The following MAPK10 variants were observed in gnomAD, a reference collection of about 807,000 sequenced individuals.
The protein encoded by MAPK10 is mitogen-activated protein kinase 10, also known as JNK3 alpha protein kinase.
Under a neutral mutation model 59.3 loss-of-function variants are expected in MAPK10, and 25 were observed. The ratio of observed to expected loss-of-function variants is 0.42; its 90% CI spans 0.31 to 0.59. The LOEUF (loss-of-function observed/expected upper bound fraction) is 0.59, where lower values mean the gene tolerates loss of function less well. MAPK10 is among the 20% of genes least tolerant of loss of function. The pLI is 0.15. For synonymous variants in MAPK10, 190 were observed against 200.5 expected (o/e 0.95, Z 0.44); for missense variants, 351 against 568.9 (o/e 0.62, Z 3.90).
At chr4:86,471,275 CA>C (rs60423060) in intron 1 of MAPK10, among the ~76,000 whole-genome samples, 32,499 of 96,668 alleles carry the variant, frequency 0.34, 3,582 homozygotes, top group Admixed American at 0.4. Context: ...TGCCCCCCTG[CA>C]AAAAAAAAAA....
chr4:86,201,406 G>T (rs1343281401), intron 2 of MAPK10, among the ~76,000 whole-genome samples: 1 of 151,840 alleles, frequency 6.6e-6, no homozygotes, highest in Non-Finnish European at 1.5e-5. Context: ...ATTTTAGGGA[G>T]TGTTTAAAAA....
At chr4:86,052,479 G>T (rs546456265) in intron 11 of MAPK10, among the ~76,000 whole-genome samples, 50 of 152,162 alleles carry the variant, frequency 3.3e-4, no homozygotes, top group African/African-American at 1.2e-3. Context: ...ATTATTGATA[G>T]AAAATTTTGG....
intron 4 of MAPK10, among the ~76,000 whole-genome samples, chr4:86,133,747 A>C (rs1453950266): frequency 2.0e-5 from 3 of 152,224 alleles, no homozygotes; most frequent in Non-Finnish European, 2.9e-5. Context: ...AACTGAGATT[A>C]AGTCAGTCCT....
rs2094377903 is a variant in MAPK10, at chr4:86,269,886, A to G, written c.-6-75479T>C. ...AACAGTAATAAAGATACTTAGTAAA[A>G]AAGTTTTGATTAAAAGACATTTGTG... On this transcript the variant is annotated intron_variant, in intron 2 of 13. Coordinates refer to ENST00000641462, the MANE Select transcript of MAPK10 (RefSeq NM_138982.4). Among the ~76,000 whole-genome samples, 3 of 152,256 alleles carry G rather than the reference A, an allele frequency of 2.0e-5. 1 individual carries two copies. The Middle Eastern group carries it at 0.01, about 518-fold the overall frequency.
At chr4:86,371,755 C>T (rs1323956586) in intron 1 of MAPK10, among the ~76,000 whole-genome samples, 3 of 152,104 alleles carry the variant, frequency 2.0e-5, no homozygotes, top group East Asian at 3.9e-4. Context: ...GGTGGGGCAT[C>T]GCCTCACTTG....
chr4:86,528,124 C>T (rs918197458), intron 1 of MAPK10, among the ~76,000 whole-genome samples: 2 of 152,100 alleles, frequency 1.3e-5, no homozygotes, highest in African/African-American at 4.8e-5. Context: ...TGTAACAAAC[C>T]TGTGCTTGTG....
chr4:86,058,376 G>C (rs942616838), intron 11 of MAPK10, among the ~76,000 whole-genome samples: 1 of 149,386 alleles, frequency 6.7e-6, no homozygotes, highest in African/African-American at 2.5e-5. Context: ...TTTTCTCAGG[G>C]GGCTGGACTC....
chr4:86,251,637 C>T (rs1191857835), intron 2 of MAPK10, among the ~76,000 whole-genome samples: 5 of 135,464 alleles, frequency 3.7e-5, no homozygotes, highest in Non-Finnish European at 7.7e-5. Flanking sequence ...AATAAACATA[C>T]ATGTGCATGT....
At chr4:86,475,840 A>G (rs1214886180) in intron 1 of MAPK10, among the ~76,000 whole-genome samples, 1 of 150,596 alleles carries the variant, frequency 6.6e-6, no homozygotes, top group African/African-American at 2.4e-5. Flanking sequence ...GGCAGCCTTC[A>G]CCCCTCCATT....
At chr4:86,229,990 G>A (rs2091302427) in intron 2 of MAPK10, among the ~76,000 whole-genome samples, 1 of 152,190 alleles carries the variant, frequency 6.6e-6, no homozygotes, top group Non-Finnish European at 1.5e-5. Context: ...GAGCCCATGA[G>A]GTCGAGACTG....
At chr4:86,303,954 A>G (rs1211268918) in intron 2 of MAPK10, among the ~76,000 whole-genome samples, 8 of 152,280 alleles carry the variant, frequency 5.3e-5, no homozygotes, top group East Asian at 3.9e-4. Context: ...GCACACACCT[A>G]TGGAATCAAC....
intron 1 of MAPK10, among the ~76,000 whole-genome samples, chr4:86,492,693 A>G (rs897940987): frequency 6.6e-6 from 1 of 152,238 alleles, no homozygotes; most frequent in Non-Finnish European, 1.5e-5. Flanking sequence ...CAATAACGGT[A>G]TATGTTCTCC....
chr4:86,273,884 G>A (rs1036103667), intron 2 of MAPK10, among the ~76,000 whole-genome samples: 1 of 151,990 alleles, frequency 6.6e-6, no homozygotes, highest in African/African-American at 2.4e-5. Flanking sequence ...AATTAGAAAA[G>A]TCAGCATTTA....
upstream of MAPK10, among the ~76,000 whole-genome samples, chr4:86,362,934 T>A (rs1184585968): frequency 6.6e-6 from 1 of 152,078 alleles, no homozygotes; most frequent in Non-Finnish European, 1.5e-5. Flanking sequence ...ACACTCCTAT[T>A]TATAAGGATT....
intron 2 of MAPK10, among the ~76,000 whole-genome samples, chr4:86,297,001 G>A (rs1248451040): frequency 1.3e-5 from 2 of 152,086 alleles, no homozygotes; most frequent in African/African-American, 4.8e-5. Context: ...AGGGTTAGAC[G>A]GGGACTGCCT....
intron 1 of MAPK10, among the ~76,000 whole-genome samples, chr4:86,485,874 C>A (rs893975397): frequency 6.6e-6 from 1 of 152,192 alleles, no homozygotes; most frequent in Non-Finnish European, 1.5e-5. Flanking sequence ...TGAAAGGCAG[C>A]CATTTGCAAG....
At chr4:86,287,580 G>T (rs1374703166) in intron 2 of MAPK10, among the ~76,000 whole-genome samples, 1 of 152,138 alleles carries the variant, frequency 6.6e-6, no homozygotes, top group Non-Finnish European at 1.5e-5. Context: ...CAAGAGAGTT[G>T]TGACTTTTAT....
At chr4:86,107,460 A>C in intron 4 of MAPK10, 108 bp from the exon 5 acceptor site, 1 of 1,468,058 alleles carries the variant, frequency 6.8e-7, no homozygotes, top group African/African-American at 1.4e-5. Context: ...GGAATCTTAG[A>C]TACTGTCTAC....
chr4:86,294,598 T>C (rs775307447), intron 2 of MAPK10, among the ~76,000 whole-genome samples: 2 of 151,870 alleles, frequency 1.3e-5, no homozygotes, highest in African/African-American at 4.8e-5. Flanking sequence ...CAGAGCAAAA[T>C]TGTGTTGTTT....
Sources: gnomAD v4.1 joint callset for allele counts (sites outside exome capture counted in the v4.1 genomes callset) on GRCh38, gnomAD v4.1.1 for gene constraint, MANE v1.5 for transcripts, NCBI Gene and HGNC (gene_info 2026-07-23, HGNC 2026-07-21) for gene names.